CALCOCO2: variants seen among roughly 807,000 people sequenced by gnomAD.
CALCOCO2 encodes calcium-binding and coiled-coil domain-containing protein 2.
A neutral mutation model predicts 62.5 loss-of-function variants in CALCOCO2; 42 were observed. The observed-to-expected ratio is 0.67, with a 90% CI of 0.53 to 0.87. The LOEUF (loss-of-function observed/expected upper bound fraction) is 0.87. CALCOCO2 is among the 40% of genes least tolerant of loss of function. The probability of loss-of-function intolerance (pLI) is 0.00; values close to 1 mark genes in which losing one functional copy is unlikely to be tolerated. For synonymous variants in CALCOCO2, 167 were observed against 173.0 expected (o/e 0.97, Z 0.27); for missense variants, 456 against 515.0 (o/e 0.89, Z 1.11).
At chr17:48,855,584 C>T (rs1024244344) in intron 9 of CALCOCO2, among the ~76,000 whole-genome samples, 1 of 152,126 alleles carries the variant, frequency 6.6e-6, no homozygotes, top group African/African-American at 2.4e-5. Flanking sequence ...GTCTGAGCTC[C>T]TTGTATCCTT....
chr17:48,851,178 G>A lies in CALCOCO2; in HGVS notation c.632+1G>A, dbSNP rs1030456174. 1 of 1,567,904 alleles carries A rather than the reference G, an allele frequency of 6.4e-7. No individual in the cohort carries two copies. Among genetic ancestry groups the A allele is most frequent in the African/African-American group, 1.3e-5 (1 of 74,128 alleles). On this transcript the variant is annotated splice_donor_variant, in intron 6 of 12. Transcript: ENST00000258947. LOFTEE classifies it high-confidence loss of function. ...ACTATTGGGAGACAGAGCTGCTTCAGTGAGTGCATCCCATAATTCTGGGAG... is the reference window on the plus strand; with the variant it reads ...ACTATTGGGAGACAGAGCTGCTTCAATGAGTGCATCCCATAATTCTGGGAG...
Position 48,851,117 on chromosome 17 carries a change from A to G in CALCOCO2, c.572A>G (p.Asn191Ser), listed in dbSNP as rs752969500. 2.2e-5 allele frequency: 36 copies of G among 1,609,346 alleles called. No homozygotes were observed. In the South Asian group the frequency reaches 3.1e-4, roughly 14 times the overall value. The part of the protein sequence containing the change: ...QEELETLQSI[N>S]KKLELKVKEQ... ...GAGCTAGAAACCCTACAGAGCATCA[A>G]TAAGAAGTTGGAACTGAAAGTGAAA... Residue 191 changes from asparagine to serine, a missense_variant, in exon 6 of 13, where the codon AAT becomes AGT. By Grantham distance (46) the Asn-to-Ser change is conservative. Coordinates refer to ENST00000258947, the MANE Select transcript of CALCOCO2 (RefSeq NM_005831.5).
chr17:48,836,617 G>T (rs1326795669), intron 1 of CALCOCO2, among the ~76,000 whole-genome samples: 1 of 152,148 alleles, frequency 6.6e-6, no homozygotes, highest in Non-Finnish European at 1.5e-5. Context: ...TAAGGTACTT[G>T]GTACCTGTGT....
At chr17:48,846,587 G>A (rs1316629853) in intron 2 of CALCOCO2, 2 of 714,134 alleles carry the variant, frequency 2.8e-6, no homozygotes, top group Non-Finnish European at 4.9e-6. Flanking sequence ...TTTGGTCACA[G>A]TGCATTAAGA....
intron 2 of CALCOCO2, among the ~76,000 whole-genome samples, chr17:48,846,819 TCAGA>T (rs2040059509): frequency 6.6e-6 from 1 of 152,348 alleles, no homozygotes; most frequent in Non-Finnish European, 1.5e-5. Context: ...CTTACTGAGC[TCAGA>T]CAGGGTCAAA....
chr17:48,861,874 C>G (rs1359050825), intron 11 of CALCOCO2, among the ~76,000 whole-genome samples: 1 of 151,328 alleles, frequency 6.6e-6, no homozygotes, highest in Non-Finnish European at 1.5e-5. Context: ...ATGGAGAAAC[C>G]CTGTCTCTAC....
intron 2 of CALCOCO2, chr17:48,846,058 C>T (rs1282502299): frequency 1.3e-6 from 2 of 1,484,482 alleles, no homozygotes; most frequent in South Asian, 2.4e-5. Context: ...GACTATTCAA[C>T]TCCTCATCAC....
intron 2 of CALCOCO2, chr17:48,842,623 A>AACAATGCCT (rs1271108942): frequency 7.8e-5 from 2 of 25,624 alleles, no homozygotes; most frequent in African/African-American, 6.3e-4. Context: ...AGGTATGCAG[A>AACAATGCCT]ACAATGCCTA....
Position 48,839,670 on chromosome 17 carries a change from C to CTTTTTT in CALCOCO2, c.-10-2009_-10-2004dup, listed in dbSNP as rs766846336. Among the ~76,000 whole-genome samples the CTTTTTT allele has an allele frequency of 7.6e-4, 50 of 66,166 alleles. 4 individuals carry two copies. Among genetic ancestry groups the CTTTTTT allele is most frequent in the Non-Finnish European group, 9.1e-4 (34 of 37,232 alleles). The allele number at this position is 66,166 out of a possible 152,430, so 43.4% of individuals were successfully genotyped here. On this transcript the variant is annotated intron_variant, in intron 1 of 12. Transcript: ENST00000258947. Reference sequence around the variant, plus strand: ...GGCCTTTTTTCTTTGCTTTGCTTTGCTTTTTTTTTTTTTTTTTTTTTTTTA... The same window carrying CTTTTTT: ...GGCCTTTTTTCTTTGCTTTGCTTTGCTTTTTTTTTTTTTTTTTTTTTTTTTTTTTTA...
At chr17:48,860,502 C>G in intron 11 of CALCOCO2, 53 bp downstream of exon 11, 1 of 1,573,176 alleles carries the variant, frequency 6.4e-7, no homozygotes, top group Non-Finnish European at 8.7e-7. Flanking sequence ...ATCCCTTTCC[C>G]CTACTAAATT....
chr17:48,838,391 T>A (rs1221181733), intron 1 of CALCOCO2, among the ~76,000 whole-genome samples: 1 of 152,108 alleles, frequency 6.6e-6, no homozygotes, highest in Non-Finnish European at 1.5e-5. Context: ...TTTTTACTTT[T>A]TTTTTCTTTG....
At chr17:48,833,758 C>T (rs1423385178) in intron 1 of CALCOCO2, among the ~76,000 whole-genome samples, 1 of 152,084 alleles carries the variant, frequency 6.6e-6, no homozygotes, top group Non-Finnish European at 1.5e-5. Flanking sequence ...ATAAAAAAGG[C>T]TAATGTAAAC....
intron 2 of CALCOCO2, chr17:48,846,162 A>G (rs1171459828): frequency 2.5e-6 from 2 of 815,874 alleles, no homozygotes; most frequent in Non-Finnish European, 3.7e-6. Context: ...TTTGAGACAG[A>G]GTCTTGCTCT....
chr17:48,853,904 A>C (rs1413262603), intron 9 of CALCOCO2, among the ~76,000 whole-genome samples: 2 of 152,234 alleles, frequency 1.3e-5, no homozygotes, highest in African/African-American at 4.8e-5. Flanking sequence ...ATCTAGCTGC[A>C]GTCTGCACTG....
Position 48,863,767 on chromosome 17 carries a change from A to T in CALCOCO2, c.*762A>T, listed in dbSNP as rs2040358128. On this transcript the variant is annotated 3_prime_UTR_variant, in exon 13 of 13. Coordinates refer to ENST00000258947, the MANE Select transcript of CALCOCO2 (RefSeq NM_005831.5). ...TTTTCTGAGTAGGTGAGTTTTGAAT[A>T]TGGGTAAATCAGAATAATGAGACAA... The T allele has an allele frequency of 6.6e-6, 1 of 152,252 alleles. No homozygotes were observed. The highest frequency in any genetic ancestry group is 6.5e-5 in the Admixed American group (1 of 15,278). The allele number at this position is 152,252 out of a possible 1,614,324, so 9.4% of individuals were successfully genotyped here.
Position 48,852,841 on chromosome 17 carries a change from T to C in CALCOCO2, c.826-85T>C, listed in dbSNP as rs1302196774. 2.7e-6 allele frequency: 3 copies of C among 1,104,488 alleles called. No individual in the cohort carries two copies. The African/African-American group carries it at 4.7e-5, about 17-fold the overall frequency. 68.4% of individuals were successfully genotyped at this position (1,104,488 alleles called of 1,614,324 possible). On this transcript the variant is annotated intron_variant, in intron 8 of 12. Transcript: ENST00000258947. ...GCCTCTCCCTATGCATCCTGCTTGC[T>C]CATTAGCTTAGCAGGCCCTTCCATG...
intron 2 of CALCOCO2, chr17:48,846,499 A>G: frequency 6.7e-7 from 1 of 1,481,856 alleles, no homozygotes; most frequent in Admixed American, 2.0e-5. Context: ...GGAGGAGCCA[A>G]GGACAGAAAT....
intron 1 of CALCOCO2, among the ~76,000 whole-genome samples, chr17:48,840,254 C>T (rs558042913): frequency 9.9e-5 from 15 of 152,202 alleles, no homozygotes; most frequent in Admixed American, 4.6e-4. Flanking sequence ...CTCAGCTTCC[C>T]GAGTAGCTGG....
intron 1 of CALCOCO2, among the ~76,000 whole-genome samples, chr17:48,836,390 G>T (rs2039890566): frequency 6.6e-6 from 1 of 152,138 alleles, no homozygotes; most frequent in Non-Finnish European, 1.5e-5. Context: ...AACAAATTAA[G>T]AGGGCTTAAA....
Sources: gnomAD v4.1 joint callset for allele counts (sites outside exome capture counted in the v4.1 genomes callset) on GRCh38, gnomAD v4.1.1 for gene constraint, MANE v1.5 for transcripts, NCBI Gene and HGNC (gene_info 2026-07-23, HGNC 2026-07-21) for gene names.